The following FMN2 variants were observed in gnomAD, a reference collection of about 807,000 sequenced individuals.
FMN2 encodes formin-2.
In FMN2, 51 loss-of-function variants were observed where a neutral mutation model predicts 142.3. The observed-to-expected ratio is 0.36, with a 90% CI of 0.29 to 0.45. FMN2 has a LOEUF of 0.45. Among genes scored for constraint, FMN2 ranks in the 20% least tolerant of loss-of-function variants. The pLI is 1.00. For synonymous variants in FMN2, 882 were observed against 869.8 expected (o/e 1.01, Z -0.25); for missense variants, 1,936 against 2,122.8 (o/e 0.91, Z 1.73).
chr1:240,345,607 A>T (rs1671882497), intron 13 of FMN2, among the ~76,000 whole-genome samples: 1 of 152,030 alleles, frequency 6.6e-6, no homozygotes, highest in African/African-American at 2.4e-5. Context: ...AGTAGCTGGG[A>T]TTACAGGTGC....
Position 240,092,852 on chromosome 1 carries a change from G to A in FMN2, c.743G>A (p.Gly248Asp). The A allele has an allele frequency of 6.5e-7, 1 of 1,548,472 alleles. No homozygotes were observed. The highest frequency in any genetic ancestry group is 1.4e-5 in the African/African-American group (1 of 73,416). Residue 248 changes from glycine (G) to aspartate (D), a missense_variant, in exon 1 of 18, where the codon GGC becomes GAC. Physicochemically the swap from Gly to Asp is moderately conservative, Grantham distance 94. Around this residue, in one of 8 missense-constraint regions of FMN2, gnomAD observed 751 missense variants for 791.8 expected, o/e 0.95. Coordinates refer to ENST00000319653, the MANE Select transcript of FMN2 (RefSeq NM_020066.5). ...AVSPQPGAFL[G>D]LDRFLLGPSG... ...TCCCCTCAGCCCGGGGCCTTCCTGG[G>A]CCTGGACCGGTTCCTGCTGGGGCCG...
chr1:240,247,118 C>T (rs1348600367), intron 6 of FMN2, among the ~76,000 whole-genome samples: 5 of 152,178 alleles, frequency 3.3e-5, no homozygotes. Flanking sequence ...TGTCTGCCTT[C>T]TGAAAGGTGG....
chr1:240,280,241 C>A (rs1043402839), intron 7 of FMN2, among the ~76,000 whole-genome samples: 23 of 152,030 alleles, frequency 1.5e-4, no homozygotes, highest in Non-Finnish European at 3.1e-4. Context: ...TTTAGGTGAA[C>A]TATTTTAAAA....
At chr1:240,146,046 G>A in intron 2 of FMN2, among the ~76,000 whole-genome samples, 1 of 151,538 alleles carries the variant, frequency 6.6e-6, no homozygotes, top group East Asian at 1.9e-4. Flanking sequence ...GTAACTGAAG[G>A]ATAGGGTCTA....
Position 240,207,541 on chromosome 1 carries a change from C to A in FMN2, c.2729C>A (p.Pro910His). The A allele has an allele frequency of 1.2e-6, 2 of 1,613,252 alleles. No individual in the cohort carries two copies. Among genetic ancestry groups the A allele is most frequent in the Non-Finnish European group, 1.7e-6 (2 of 1,179,732 alleles). Reference protein sequence around the residue: ...PPLQGTEMLPPPPPPLPGAGI... With the variant: ...PPLQGTEMLPHPPPPLPGAGI... ...CTGCAGGGTACAGAAATGCTGCCAC[C>A]CCCTCCCCCTCCTCTTCCCGGAGCG... is the stretch of plus-strand genomic sequence containing the variant. The change falls in exon 5 of 18, where the codon CCC (proline) becomes CAC (histidine). Residue 910 changes from proline (P) to histidine (H), a missense_variant. Physicochemically the swap from Pro to His is moderately conservative, Grantham distance 77. Around this residue, in one of 8 missense-constraint regions of FMN2, gnomAD observed 478 missense variants for 462.8 expected, o/e 1.03. Transcript: ENST00000319653.
intron 1 of FMN2, among the ~76,000 whole-genome samples, chr1:240,108,561 T>G (rs1360821244): frequency 6.6e-6 from 1 of 152,208 alleles, no homozygotes; most frequent in Non-Finnish European, 1.5e-5. Flanking sequence ...ACATGGGATA[T>G]CAGGGAAGTT....
Position 240,230,642 on chromosome 1 carries a change from T to G in FMN2, c.4065+19407T>G, listed in dbSNP as rs1425491698. On this transcript the variant is annotated intron_variant, in intron 6 of 17. Coordinates refer to ENST00000319653, the MANE Select transcript of FMN2 (RefSeq NM_020066.5). The stretch of plus-strand genomic sequence containing the variant: ...AAACTTTTTACAAAACATGTATAGG[T>G]CACTCTTTAAATTTCCTTAGCTGTA... 1.5e-5 allele frequency among the ~76,000 whole-genome samples: 2 copies of G among 131,744 alleles called. 1 individual carries two copies. The highest frequency in any genetic ancestry group is 3.2e-5 in the Non-Finnish European group (2 of 62,868). 86.4% of individuals were successfully genotyped at this position (131,744 alleles called of 152,430 possible). A position where few individuals can be genotyped will look rare whatever the true frequency, so the allele number is the denominator to read the frequency against.
At chr1:240,290,994 A>C (rs772105743) in intron 7 of FMN2, among the ~76,000 whole-genome samples, 8 of 151,560 alleles carry the variant, frequency 5.3e-5, no homozygotes, top group Non-Finnish European at 8.8e-5. Context: ...TTGTATTTTT[A>C]GTAGAGACAG....
At position 240,147,168 on chromosome 1, in the gene FMN2, C is replaced by T. The variant is rs141954730; in HGVS notation, c.1782+23823C>T. 4.8e-4 allele frequency among the ~76,000 whole-genome samples: 73 copies of T among 152,276 alleles called. 1 individual carries two copies. The East Asian group carries it at 0.014, about 28-fold the overall frequency. On this transcript the variant is annotated intron_variant, in intron 2 of 17. Coordinates refer to ENST00000319653, the MANE Select transcript of FMN2 (RefSeq NM_020066.5). ...CTGTGCTAAGTACTTAACATGATCT[C>T]TTCAATTAGTTGGTCTTAACTTAAA...
chr1:240,463,145 C>T (rs537393414), intron 16 of FMN2, among the ~76,000 whole-genome samples: 26 of 152,244 alleles, frequency 1.7e-4, no homozygotes, highest in African/African-American at 6.0e-4. Flanking sequence ...TCAGATGATT[C>T]CCGTGTTTGT....
chr1:240,252,547 A>AG (rs1172606632), intron 6 of FMN2, among the ~76,000 whole-genome samples: 4 of 114,104 alleles, frequency 3.5e-5, no homozygotes, highest in African/African-American at 1.3e-4. Flanking sequence ...TTGGGCTGGC[A>AG]GTTTTTTTTT....
chr1:240,257,335 A>G (rs1228110491), intron 6 of FMN2, among the ~76,000 whole-genome samples: 1 of 152,168 alleles, frequency 6.6e-6, no homozygotes, highest in Non-Finnish European at 1.5e-5. Context: ...TGATGCTTGT[A>G]TCCCTCTGTT....
chr1:240,369,743 T>A (rs1195690973), intron 14 of FMN2, among the ~76,000 whole-genome samples: 1 of 152,236 alleles, frequency 6.6e-6, no homozygotes, highest in African/African-American at 2.4e-5. Context: ...TCTTTGTTTC[T>A]AATCTAAATT....
chr1:240,474,461 A>G lies in FMN2; in HGVS notation c.*307A>G, dbSNP rs1676910323. The G allele has an allele frequency of 3.7e-6, 1 of 269,936 alleles. No homozygotes were observed. Among genetic ancestry groups the G allele is most frequent in the Admixed American group, 5.4e-5 (1 of 18,658 alleles). 16.7% of individuals were successfully genotyped at this position (269,936 alleles called of 1,614,324 possible). A position where few individuals can be genotyped will look rare whatever the true frequency, so the allele number is the denominator to read the frequency against. On this transcript the variant is annotated 3_prime_UTR_variant, in exon 18 of 18. Transcript: ENST00000319653. ...TCTGCACTAATTCTCAACATGCTAA[A>G]CATTAACTACAATTCACTGTTGTGA...
intron 7 of FMN2, among the ~76,000 whole-genome samples, chr1:240,258,385 G>A (rs973073952): frequency 1.3e-5 from 2 of 152,106 alleles, no homozygotes; most frequent in African/African-American, 4.8e-5. Flanking sequence ...CAGCATATTC[G>A]GTTCTGGTGA....
chr1:240,432,846 C>G (rs1178089836), intron 15 of FMN2, among the ~76,000 whole-genome samples: 1 of 152,090 alleles, frequency 6.6e-6, no homozygotes, highest in African/African-American at 2.4e-5. Flanking sequence ...AGGGAACTTA[C>G]TCTGTATAAT....
Position 240,409,859 on chromosome 1 carries a change from A to G in FMN2, c.4910+17297A>G, listed in dbSNP as rs540942702. 3.3e-5 allele frequency among the ~76,000 whole-genome samples: 5 copies of G among 152,314 alleles called. No individual in the cohort carries two copies. The East Asian group carries it at 7.7e-4, about 23-fold the overall frequency. ...ATCAGACAATGGCATTTTAAAAATA[A>G]CCTATTATGTATTTCAGGGTCAAAA... On this transcript the variant is annotated intron_variant, in intron 15 of 17. Coordinates refer to ENST00000319653, the MANE Select transcript of FMN2 (RefSeq NM_020066.5).
At chr1:240,221,135 G>T (rs1382678080) in intron 6 of FMN2, among the ~76,000 whole-genome samples, 1 of 152,118 alleles carries the variant, frequency 6.6e-6, no homozygotes, top group Non-Finnish European at 1.5e-5. Context: ...CATTTTGGGT[G>T]GTTCCAAGTC....
chr1:240,155,130 A>G (rs879462041), intron 2 of FMN2, among the ~76,000 whole-genome samples: 2 of 151,978 alleles, frequency 1.3e-5, no homozygotes, highest in African/African-American at 2.4e-5. Context: ...AGCTCAAGCA[A>G]TCCACCCACC....
Sources: allele counts gnomAD v4.1 joint callset (sites outside exome capture counted in the v4.1 genomes callset), GRCh38; gene constraint gnomAD v4.1.1; regional missense constraint gnomAD v4.1.1; transcripts MANE v1.5; gene names NCBI Gene and HGNC (gene_info 2026-07-23, HGNC 2026-07-21).